LARGE1: variants seen among roughly 807,000 people sequenced by gnomAD.
The protein encoded by LARGE1 is xylosyl- and glucuronyltransferase LARGE1.
Under a neutral mutation model 87.6 loss-of-function variants are expected in LARGE1, and 43 were observed. That is an observed-to-expected ratio of 0.49 (90% CI 0.38 to 0.63). The LOEUF is 0.63. Ranked by LOEUF, LARGE1 falls within the 30% of genes least tolerant of loss-of-function variation. LARGE1 has a pLI of 0.00. For synonymous variants in LARGE1, 434 were observed against 394.6 expected, an observed-to-expected ratio of 1.10 and a Z score of -1.18; for missense variants, 802 against 1,000.2, an observed-to-expected ratio of 0.80 and a Z score of 2.67.
chr22:33,733,854 AC>A (rs1414074108), intron 2 of LARGE1, among the ~76,000 whole-genome samples: 2 of 152,218 alleles, frequency 1.3e-5, no homozygotes, highest in African/African-American at 4.8e-5. Context: ...AAGCAGAAAG[AC>A]CATAGCATTC....
intron 6 of LARGE1, among the ~76,000 whole-genome samples, chr22:33,494,020 C>T (rs1016037416): frequency 1.3e-5 from 2 of 152,224 alleles, no homozygotes; most frequent in South Asian, 2.1e-4. Flanking sequence ...TTGTGCAAGG[C>T]GATGCCCACT....
At chr22:33,149,048 T>A in the LARGE1 span, among the ~76,000 whole-genome samples, 3 of 145,772 alleles carry the variant, frequency 2.1e-5, no homozygotes, top group Admixed American at 7.4e-5. Context: ...TTCTTTTTTT[T>A]TTTTTTTGAG....
At chr22:33,592,504 C>T (rs1326424881) in intron 5 of LARGE1, among the ~76,000 whole-genome samples, 2 of 152,068 alleles carry the variant, frequency 1.3e-5, no homozygotes, top group Non-Finnish European at 2.9e-5. Context: ...CCTAAGTTAC[C>T]CCACAAAATC....
At chr22:33,491,337 C>T (rs897058418) in intron 6 of LARGE1, among the ~76,000 whole-genome samples, 20 of 152,064 alleles carry the variant, frequency 1.3e-4, no homozygotes, top group Non-Finnish European at 2.2e-4. Flanking sequence ...GAGCAGGAAG[C>T]GGTTTTACAT....
chr22:33,609,716 T>C (rs2079373742), intron 4 of LARGE1, among the ~76,000 whole-genome samples: 1 of 152,190 alleles, frequency 6.6e-6, no homozygotes, highest in East Asian at 1.9e-4. Flanking sequence ...CCAAATCTTA[T>C]GTTGAAACGT....
At chr22:33,330,463 T>C (rs558432128) in intron 10 of LARGE1, among the ~76,000 whole-genome samples, 9 of 152,252 alleles carry the variant, frequency 5.9e-5, no homozygotes, top group African/African-American at 1.4e-4. Flanking sequence ...GCAAGGATTA[T>C]AGGCATGAGC....
In LARGE1 at chr22:33,761,407, T is replaced by C; in HGVS notation, c.70A>G (p.Ile24Val). 1 of 1,614,078 alleles carries C rather than the reference T, an allele frequency of 6.2e-7. No individual in the cohort carries two copies. The highest frequency in any genetic ancestry group is 1.1e-5 in the South Asian group (1 of 91,082). ...CCAGAAAACAGGTAAATCCAGGTGA[T>C]GGCTGGGATGCAGAGAAGACTCAAC... ...ASLSLLCIPA[I>V]TWIYLFSGSF... Residue 24 changes from isoleucine (I) to valine (V), a missense_variant, in exon 2 of 15, where the codon ATC becomes GTC. Physicochemically the swap from Ile to Val is conservative, Grantham distance 29. Transcript: ENST00000397394.
intron 10 of LARGE1, among the ~76,000 whole-genome samples, chr22:33,334,050 G>C (rs1277637757): frequency 6.6e-6 from 1 of 152,042 alleles, no homozygotes; most frequent in Non-Finnish European, 1.5e-5. Flanking sequence ...TTGAATCTGG[G>C]AGGGAGAGGT....
chr22:33,805,623 A>T, intron 1 of LARGE1, among the ~76,000 whole-genome samples: 1 of 152,052 alleles, frequency 6.6e-6, no homozygotes, highest in East Asian at 1.9e-4. Flanking sequence ...AATCCCAGCT[A>T]CTGGGGAGGC....
chr22:33,097,648 T>C, the LARGE1 span, among the ~76,000 whole-genome samples: 1 of 152,216 alleles, frequency 6.6e-6, no homozygotes, highest in African/African-American at 2.4e-5. Flanking sequence ...CATTATCAGC[T>C]CCAGAGCCTC....
chr22:33,821,206 A>C (rs1030487477), intron 1 of LARGE1, among the ~76,000 whole-genome samples: 4 of 152,176 alleles, frequency 2.6e-5, no homozygotes, highest in African/African-American at 9.7e-5. Context: ...AGCTTCACCC[A>C]CAAATGCTGT....
intron 11 of LARGE1, among the ~76,000 whole-genome samples, chr22:33,181,403 C>A (rs1317018122): frequency 6.6e-6 from 1 of 152,010 alleles, no homozygotes; most frequent in Non-Finnish European, 1.5e-5. Flanking sequence ...TTTTAAAGAT[C>A]TTTTATTGAG....
intron 2 of LARGE1, among the ~76,000 whole-genome samples, chr22:33,745,081 G>A (rs970148057): frequency 2.0e-5 from 3 of 152,184 alleles, no homozygotes; most frequent in African/African-American, 7.2e-5. Flanking sequence ...AAGCCTGAAG[G>A]AGCCGAGGGA....
intron 5 of LARGE1, among the ~76,000 whole-genome samples, chr22:33,602,534 T>A (rs974804145): frequency 1.3e-5 from 2 of 151,686 alleles, no homozygotes; most frequent in South Asian, 4.2e-4. Flanking sequence ...AGTCACCACA[T>A]CCAGCTAGTT....
chr22:33,274,327 G>A lies in LARGE1; in HGVS notation c.*100C>T. 4 of 1,298,076 alleles carry A rather than the reference G, an allele frequency of 3.1e-6. No individual in the cohort carries two copies. Among genetic ancestry groups the A allele is most frequent in the East Asian group, 2.3e-5 (1 of 43,434 alleles). 80.4% of individuals were successfully genotyped at this position (1,298,076 alleles called of 1,614,324 possible). A position where few individuals can be genotyped will look rare whatever the true frequency, so the allele number is the denominator to read the frequency against. Reference sequence around the variant, plus strand: ...CCAAAGAGATAAATAAAAACAAACCGAAAAAGCATGGCTCAATTTTGAATT... The same window carrying A: ...CCAAAGAGATAAATAAAAACAAACCAAAAAAGCATGGCTCAATTTTGAATT... On this transcript the variant is annotated 3_prime_UTR_variant, in exon 15 of 15. Coordinates refer to ENST00000397394, the MANE Select transcript of LARGE1 (RefSeq NM_133642.5).
rs374774937 is a variant in LARGE1 at position 33,384,239 on chromosome 22, C to T, written c.958G>A (p.Ala320Thr). 1.6e-5 allele frequency: 26 copies of T among 1,614,030 alleles called. No individual in the cohort carries two copies. The highest frequency in any genetic ancestry group is 3.3e-5 in the Admixed American group (2 of 60,004). ...MKWEQMWRLT[A>T]ERELMGMLST... is the part of the protein sequence containing the mutation. ...AGCATGCCCATGAGCTCCCTCTCTG[C>T]GGTCAGCCTCCACATCTGCTCCCAT... The change falls in exon 8 of 15, where the codon GCA becomes ACA. Residue 320 changes from alanine to threonine, a missense_variant. By Grantham distance (58) the Ala-to-Thr change is moderately conservative. Coordinates refer to ENST00000397394, the MANE Select transcript of LARGE1 (RefSeq NM_133642.5).
the LARGE1 span, among the ~76,000 whole-genome samples, chr22:33,129,393 C>A: frequency 2.0e-5 from 3 of 152,012 alleles, no homozygotes; most frequent in East Asian, 5.8e-4. Flanking sequence ...AAGCAAAATA[C>A]AAAAGGATAT....
chr22:33,687,181 G>T (rs1282328570), intron 2 of LARGE1, among the ~76,000 whole-genome samples: 1 of 146,062 alleles, frequency 6.8e-6, no homozygotes, highest in Non-Finnish European at 1.5e-5. Flanking sequence ...GTTTGGTAGA[G>T]ATGGGGTTCT....
chr22:33,096,290 C>T, the LARGE1 span, among the ~76,000 whole-genome samples: 22,620 of 151,600 alleles, frequency 0.15, 2,139 homozygotes, highest in East Asian at 0.41. Context: ...GTAGTGCATG[C>T]CTGTAATCCC....
Sources: allele counts gnomAD v4.1 joint callset (sites outside exome capture counted in the v4.1 genomes callset), GRCh38; gene constraint gnomAD v4.1.1; transcripts MANE v1.5; gene names NCBI Gene and HGNC (gene_info 2026-07-23, HGNC 2026-07-21).